Variants in MLKL observed in about 807,000 individuals in gnomAD.
MLKL encodes the protein mixed lineage kinase domain like pseudokinase, also known as mixed lineage kinase domain-like protein.
Under a neutral mutation model 56.5 loss-of-function variants are expected in MLKL, and 55 were observed. The ratio of observed to expected loss-of-function variants is 0.97; its 90% CI spans 0.78 to 1.22. MLKL has a LOEUF of 1.22. MLKL is among the 50% of genes most tolerant of loss of function. MLKL has a pLI of 0.00. For missense variants in MLKL, 694 were observed against 573.9 expected (o/e 1.21, Z -2.14); for synonymous variants, 251 against 208.3 (o/e 1.20, Z -1.76).
chr16:74,692,319 C>G (rs762932455), intron 3 of MLKL, 23 bp downstream of exon 3: 2 of 1,604,854 alleles, frequency 1.2e-6, no homozygotes, highest in South Asian at 1.1e-5. Flanking sequence ...CCATCAGAAA[C>G]AGCAGGGCAC....
In MLKL at chr16:74,682,650, C is replaced by T; in HGVS notation, c.956+1G>A. 6.2e-7 allele frequency: 1 copy of T among 1,613,896 alleles called. No individual in the cohort carries two copies. On this transcript the variant is annotated splice_donor_variant, in intron 6 of 10. Transcript: ENST00000308807. LOFTEE classifies it high-confidence loss of function. ...AGTGGCGCCTTTTCACCCCGTCTTA[C>T]CGGTATAGGCCTCGGGCTGCCCCCA...
Position 74,695,661 on chromosome 16 carries a change from G to A in MLKL, c.97C>T (p.His33Tyr), listed in dbSNP as rs1286882746. The A allele has an allele frequency of 8.7e-6, 14 of 1,614,144 alleles. No homozygotes were observed. Among genetic ancestry groups the A allele is most frequent in the Non-Finnish European group, 1.2e-5 (14 of 1,180,042 alleles). ...GGCTTGATCAGGCCGAGGACGCGGT[G>A]GCCCAGGCGCCGGCACTGTTTCTTG... Reference protein sequence around the residue: ...YCKKQCRRLGHRVLGLIKPLE... With the variant: ...YCKKQCRRLGYRVLGLIKPLE... The change falls in exon 2 of 11, where the codon CAC becomes TAC. Residue 33 changes from histidine to tyrosine, a missense_variant. By Grantham distance (83) the His-to-Tyr change is moderately conservative. Coordinates refer to ENST00000308807, the MANE Select transcript of MLKL (RefSeq NM_152649.4).
intron 4 of MLKL, among the ~76,000 whole-genome samples, chr16:74,686,768 G>A (rs948793307): frequency 6.6e-6 from 1 of 152,104 alleles, no homozygotes; most frequent in Non-Finnish European, 1.5e-5. Flanking sequence ...CTTGTCCAAG[G>A]TCTGTCAGAG....
chr16:74,700,687 G>A lies in MLKL; in HGVS notation c.-237C>T, dbSNP rs1961334421. 2 of 152,466 alleles carry A rather than the reference G, an allele frequency of 1.3e-5. No individual in the cohort carries two copies. The highest frequency in any genetic ancestry group is 4.8e-5 in the African/African-American group (2 of 41,466). 9.4% of individuals were successfully genotyped at this position (152,466 alleles called of 1,614,324 possible). ...ACAAGGCGCCCCGATCCCTACCTGAGGGAAACCCCGGCCACTGCAGCTGCA... is the reference window on the plus strand; with the variant it reads ...ACAAGGCGCCCCGATCCCTACCTGAAGGAAACCCCGGCCACTGCAGCTGCA... On this transcript the variant is annotated 5_prime_UTR_variant, in exon 1 of 11. Coordinates refer to ENST00000308807, the MANE Select transcript of MLKL (RefSeq NM_152649.4).
chr16:74,690,591 G>A (rs957024096), intron 4 of MLKL, among the ~76,000 whole-genome samples: 1 of 152,004 alleles, frequency 6.6e-6, no homozygotes, highest in African/African-American at 2.4e-5. Flanking sequence ...AGACAAGCCT[G>A]GGCAGCACAG....
chr16:74,673,154 A>G (rs1157101472), intron 10 of MLKL, among the ~76,000 whole-genome samples: 1 of 152,192 alleles, frequency 6.6e-6, no homozygotes, highest in East Asian at 1.9e-4. Context: ...TTCTGTAAGC[A>G]GACAGAACAT....
At chr16:74,686,768 G>T (rs948793307) in intron 4 of MLKL, among the ~76,000 whole-genome samples, 3 of 152,222 alleles carry the variant, frequency 2.0e-5, no homozygotes, top group Admixed American at 1.3e-4. Context: ...CTTGTCCAAG[G>T]TCTGTCAGAG....
intron 4 of MLKL, among the ~76,000 whole-genome samples, chr16:74,690,720 T>G: frequency 7.7e-6 from 1 of 129,312 alleles, no homozygotes; most frequent in Non-Finnish European, 1.5e-5. Context: ...AGGTTAAGGC[T>G]GCAATGAGCT....
rs781652925 is a variant in MLKL, at chr16:74,682,752, G to C, written c.855C>G (p.Tyr285Ter). ...TPPQFSIVMEYCELGTLRELL... is the reference protein window; with the variant it reads ...TPPQFSIVME The stretch of plus-strand genomic sequence containing the variant: ...GCTCCCTCAGGGTCCCGAGTTCACA[G>C]TACTCCATGACAATGGAGAATTGAG... The change falls in exon 6 of 11, where the codon TAC (tyrosine) becomes TAG (stop). Residue 285 changes from tyrosine to a stop codon, truncating the protein, a stop_gained. Coordinates refer to ENST00000308807, the MANE Select transcript of MLKL (RefSeq NM_152649.4). LOFTEE classifies it high-confidence loss of function. The C allele has an allele frequency of 1.2e-6, 2 of 1,614,096 alleles. No individual in the cohort carries two copies. Among genetic ancestry groups the C allele is most frequent in the Non-Finnish European group, 1.7e-6 (2 of 1,180,010 alleles).
chr16:74,678,786 T>C lies in MLKL; in HGVS notation c.1038+113A>G, dbSNP rs1459995639. 3 of 781,150 alleles carry C rather than the reference T, an allele frequency of 3.8e-6. No individual in the cohort carries two copies. The African/African-American group carries it at 5.3e-5, about 14-fold the overall frequency. 48.4% of individuals were successfully genotyped at this position (781,150 alleles called of 1,614,324 possible). On this transcript the variant is annotated intron_variant, in intron 7 of 10. Coordinates refer to ENST00000308807, the MANE Select transcript of MLKL (RefSeq NM_152649.4). The stretch of plus-strand genomic sequence containing the variant: ...GACAGAAAGAGACTCTGTCTCTAAA[T>C]AAATAAATAAATAAACTAAGACAAG...
Position 74,675,080 on chromosome 16 carries a change from G to T in MLKL, c.1261C>A (p.Arg421Ser), listed in dbSNP as rs148386905. The change falls in exon 10 of 11, where the codon CGC (arginine) becomes AGC (serine). Residue 421 changes from arginine (R) to serine (S), a missense_variant. Physicochemically the swap from Arg to Ser is moderately radical, Grantham distance 110 (BLOSUM62 -1). Coordinates refer to ENST00000308807, the MANE Select transcript of MLKL (RefSeq NM_152649.4). ...PFQGCNSEKI[R>S]KLVAVKRQQE... ...TGCCGCTTCACAGCCACCAGCTTGC[G>T]GATCTTCTCAGAATTACAGCCTGGA... The T allele has an allele frequency of 1.5e-5, 25 of 1,614,096 alleles. No homozygotes were observed. Among genetic ancestry groups the T allele is most frequent in the Non-Finnish European group, 2.0e-5 (24 of 1,180,014 alleles).
intron 7 of MLKL, chr16:74,677,784 T>A (rs1004218984): frequency 1.3e-5 from 2 of 152,322 alleles, no homozygotes; most frequent in Admixed American, 1.3e-4. Context: ...GTTCAAGTGA[T>A]TCTCCTGCCT....
chr16:74,691,264 CA>C lies in MLKL; in HGVS notation c.722+12del. The C allele has an allele frequency of 1.9e-6, 3 of 1,602,958 alleles. No individual in the cohort carries two copies. The highest frequency in any genetic ancestry group is 2.6e-6 in the Non-Finnish European group (3 of 1,174,882). On this transcript the variant is annotated intron_variant, in intron 4 of 10. Transcript: ENST00000308807. ...TATTGGTACACACGAGAGAACCACA[CA>C]AAACAACTTACGCAATGCTGCCAGC...
chr16:74,699,956 T>C (rs565528571), intron 1 of MLKL, among the ~76,000 whole-genome samples: 1 of 150,818 alleles, frequency 6.6e-6, no homozygotes, highest in Non-Finnish European at 1.5e-5. Context: ...AATAAATAAA[T>C]AAAAAGAAAA....
Position 74,682,799 on chromosome 16 carries a change from A to G in MLKL, c.821-13T>C. 6.2e-7 allele frequency: 1 copy of G among 1,613,876 alleles called. No homozygotes were observed. The highest frequency in any genetic ancestry group is 8.5e-7 in the Non-Finnish European group (1 of 1,179,912). On this transcript the variant is annotated splice_polypyrimidine_tract_variant and intron_variant, in intron 5 of 10. Transcript: ENST00000308807. ...TGAGGCGGAGTCACTGGTGGAAAGG[A>G]GCCAGACACTATGAGGACCCGCCCT...
chr16:74,688,656 G>C (rs1052437653), intron 4 of MLKL, among the ~76,000 whole-genome samples: 1 of 152,124 alleles, frequency 6.6e-6, no homozygotes. Flanking sequence ...GGAGGTTGCA[G>C]TGACTGATAT....
In MLKL at chr16:74,672,522, G is replaced by C; in HGVS notation, c.1398C>G (p.Leu466=). 6.2e-7 allele frequency: 1 copy of C among 1,613,976 alleles called. No homozygotes were observed. The highest frequency in any genetic ancestry group is 8.5e-7 in the Non-Finnish European group (1 of 1,179,892). ...TGATACACTACTTAGAAAAGGTGGA[G>C]AGTTTCTTTAAGATTTCTGTGGATG... is the stretch of plus-strand genomic sequence containing the variant. ...RPSVDEILKK[L]STFSK The change falls in exon 11 of 11, where the codon CTC becomes CTG. Residue 466 remains leucine, a synonymous_variant. Transcript: ENST00000308807.
intron 1 of MLKL, among the ~76,000 whole-genome samples, chr16:74,696,469 G>A (rs144587853): frequency 6.6e-6 from 1 of 151,094 alleles, no homozygotes; most frequent in African/African-American, 2.4e-5. Flanking sequence ...ACAAAAAATT[G>A]TTCAGTTTCT....
chr16:74,676,606 C>T (rs376938421), intron 7 of MLKL: 6 of 367,816 alleles, frequency 1.6e-5, no homozygotes, highest in South Asian at 2.2e-4. Context: ...GCATGAAGAG[C>T]GTGAGAGTAG....
Sources: allele counts gnomAD v4.1 joint callset (sites outside exome capture counted in the v4.1 genomes callset), GRCh38; gene constraint gnomAD v4.1.1; transcripts MANE v1.5; gene names NCBI Gene and HGNC (gene_info 2026-07-23, HGNC 2026-07-21).